Variants in PIP5K1B observed in about 807,000 individuals in gnomAD.
The protein encoded by PIP5K1B is phosphatidylinositol 4-phosphate 5-kinase type-1 beta.
A neutral mutation model predicts 67.0 loss-of-function variants in PIP5K1B; 42 were observed. That is an observed-to-expected ratio of 0.63 (90% CI 0.49 to 0.81). The LOEUF (loss-of-function observed/expected upper bound fraction) is 0.81. PIP5K1B is among the 30% of genes least tolerant of loss of function. PIP5K1B has a pLI of 0.00. For missense variants in PIP5K1B, 459 were observed against 646.3 expected (o/e 0.71, Z 3.14); for synonymous variants, 214 against 231.4 (o/e 0.92, Z 0.68).
At chr9:68,957,503 T>C (rs186821411) in intron 14 of PIP5K1B, among the ~76,000 whole-genome samples, 1 of 152,254 alleles carries the variant, frequency 6.6e-6, no homozygotes, top group East Asian at 1.9e-4. Flanking sequence ...GGCATACAAA[T>C]GCATTTAATG....
intron 14 of PIP5K1B, among the ~76,000 whole-genome samples, chr9:68,985,707 A>G (rs1239617171): frequency 6.6e-6 from 1 of 152,254 alleles, no homozygotes; most frequent in Non-Finnish European, 1.5e-5. Flanking sequence ...ATGGCTCCCC[A>G]GGCCTCCACG....
intron 15 of PIP5K1B, among the ~76,000 whole-genome samples, chr9:68,995,747 G>A (rs1469532592): frequency 2.0e-5 from 3 of 150,762 alleles, no homozygotes; most frequent in Admixed American, 2.0e-4. Flanking sequence ...AGAGGTTGCG[G>A]TGAGCCAAGA....
At chr9:68,945,419 T>C (rs1368916134) in intron 14 of PIP5K1B, among the ~76,000 whole-genome samples, 3 of 152,210 alleles carry the variant, frequency 2.0e-5, no homozygotes, top group Non-Finnish European at 2.9e-5. Context: ...GTGCAGGGAT[T>C]ACAGGTGTGA....
At chr9:68,887,521 T>C (rs951449567) in intron 6 of PIP5K1B, among the ~76,000 whole-genome samples, 5 of 152,128 alleles carry the variant, frequency 3.3e-5, no homozygotes, top group African/African-American at 9.7e-5. Context: ...TTAAGAACCA[T>C]TGATTTTTAG....
At chr9:68,769,416 C>T (rs7039817) in intron 2 of PIP5K1B, among the ~76,000 whole-genome samples, 4,224 of 151,894 alleles carry the variant, frequency 0.028, 187 homozygotes, top group East Asian at 0.23. Flanking sequence ...GTTAGGTATT[C>T]GAAAAGCAGT....
At chr9:68,729,412 A>G (rs1396216964) in intron 1 of PIP5K1B, among the ~76,000 whole-genome samples, 8 of 152,142 alleles carry the variant, frequency 5.3e-5, no homozygotes, top group Non-Finnish European at 8.8e-5. Flanking sequence ...GGGAGATAGA[A>G]AAAAGCTCTA....
chr9:68,772,404 C>T (rs1830709912), intron 2 of PIP5K1B, among the ~76,000 whole-genome samples: 1 of 152,184 alleles, frequency 6.6e-6, no homozygotes, highest in Non-Finnish European at 1.5e-5. Flanking sequence ...GGTGACATGA[C>T]AGCAGTAATT....
At chr9:68,744,755 G>A (rs1829197682) in intron 2 of PIP5K1B, among the ~76,000 whole-genome samples, 1 of 152,080 alleles carries the variant, frequency 6.6e-6, no homozygotes, top group Admixed American at 6.6e-5. Context: ...GCCCTTTTGT[G>A]GGTTCTTTGG....
chr9:68,893,355 A>G (rs1587627717), intron 7 of PIP5K1B, among the ~76,000 whole-genome samples: 1 of 103,766 alleles, frequency 9.6e-6, no homozygotes, highest in Admixed American at 1.3e-4. Context: ...TTTTTTTGAG[A>G]CAGAGTCTCG....
intron 2 of PIP5K1B, chr9:68,779,952 C>T (rs1396784729): frequency 1.3e-5 from 7 of 556,636 alleles, no homozygotes; most frequent in East Asian, 3.3e-5. Context: ...ACTCCTCGCC[C>T]CTCCCCTACC....
chr9:68,846,116 A>C (rs1373772070), intron 4 of PIP5K1B, among the ~76,000 whole-genome samples: 1 of 152,240 alleles, frequency 6.6e-6, no homozygotes, highest in African/African-American at 2.4e-5. Context: ...ATATATGTGT[A>C]TTAAAATATC....
rs67700788 is a variant in PIP5K1B, at chr9:68,994,037, A to AT, written c.1620+2800dup. ...AAATTCTTTCACTGTTTTTTCCTGA[A>AT]TTTTTTTTTTTTTTTTTTTTGAGAT... is the stretch of plus-strand genomic sequence containing the variant. On this transcript the variant is annotated intron_variant, in intron 15 of 15. Coordinates refer to ENST00000265382, the MANE Select transcript of PIP5K1B (RefSeq NM_003558.4). 3.5e-3 allele frequency among the ~76,000 whole-genome samples: 417 copies of AT among 118,578 alleles called. 6 individuals are homozygous for AT. Among genetic ancestry groups the AT allele is most frequent in the East Asian group, 6.5e-3 (25 of 3,848 alleles). 77.8% of individuals were successfully genotyped at this position (118,578 alleles called of 152,430 possible). A position where few individuals can be genotyped will look rare whatever the true frequency, so the allele number is the denominator to read the frequency against.
intron 1 of PIP5K1B, among the ~76,000 whole-genome samples, chr9:68,731,271 G>A (rs902656029): frequency 6.6e-6 from 1 of 152,184 alleles, no homozygotes; most frequent in Non-Finnish European, 1.5e-5. Flanking sequence ...TGGATAGGAC[G>A]TATATATTTT....
At chr9:68,840,815 C>T (rs1821881808) in intron 4 of PIP5K1B, among the ~76,000 whole-genome samples, 1 of 152,194 alleles carries the variant, frequency 6.6e-6, no homozygotes, top group South Asian at 2.1e-4. Context: ...TATTTGCAAC[C>T]TTGTAAAGTA....
At chr9:68,797,978 T>A (rs1341737629) in intron 2 of PIP5K1B, among the ~76,000 whole-genome samples, 1 of 152,234 alleles carries the variant, frequency 6.6e-6, no homozygotes, top group Non-Finnish European at 1.5e-5. Context: ...TTAAATATTT[T>A]CCACATTAAA....
chr9:68,740,157 A>C (rs955861389), intron 1 of PIP5K1B, among the ~76,000 whole-genome samples: 1 of 152,178 alleles, frequency 6.6e-6, no homozygotes, highest in African/African-American at 2.4e-5. Context: ...AGGCTCTGCT[A>C]TATATGTGTT....
At chr9:68,995,665 C>A (rs112463598) in intron 15 of PIP5K1B, among the ~76,000 whole-genome samples, 1 of 151,916 alleles carries the variant, frequency 6.6e-6, no homozygotes, top group South Asian at 2.1e-4. Context: ...ATTAGCTAGG[C>A]GTGGTGGTGC....
intron 5 of PIP5K1B, among the ~76,000 whole-genome samples, chr9:68,868,402 T>TA (rs1823463809): frequency 6.6e-6 from 1 of 152,232 alleles, no homozygotes; most frequent in Non-Finnish European, 1.5e-5. Context: ...TAATTTTTAT[T>TA]ATCTTTCATC....
intron 12 of PIP5K1B, among the ~76,000 whole-genome samples, chr9:68,928,530 T>G (rs2132572177): frequency 6.6e-6 from 1 of 152,366 alleles, no homozygotes; most frequent in Middle Eastern, 3.4e-3. Context: ...TATGTTTTCT[T>G]TTCTTTAATC....
Sources: allele counts gnomAD v4.1 joint callset (sites outside exome capture counted in the v4.1 genomes callset), GRCh38; gene constraint gnomAD v4.1.1; transcripts MANE v1.5; gene names NCBI Gene and HGNC (gene_info 2026-07-23, HGNC 2026-07-21).